The following ZFPM2 variants were observed in gnomAD, a reference collection of about 807,000 sequenced individuals.
ZFPM2 encodes zinc finger protein ZFPM2.
ZFPM2 carries 20 observed loss-of-function variants against 98.6 expected under a neutral mutation model. The observed-to-expected ratio is 0.20, with a 90% CI of 0.14 to 0.29. ZFPM2 has a LOEUF of 0.29. Ranked by LOEUF, ZFPM2 falls within the 10% of genes least tolerant of loss-of-function variation. The pLI is 1.00. For synonymous variants in ZFPM2, 518 were observed against 502.7 expected, an observed-to-expected ratio of 1.03 and a Z score of -0.41; for missense variants, 1,310 against 1,388.6, an observed-to-expected ratio of 0.94 and a Z score of 0.90.
chr8:105,610,284 G>A (rs1337407544), intron 4 of ZFPM2, among the ~76,000 whole-genome samples: 2 of 152,072 alleles, frequency 1.3e-5, no homozygotes, highest in Non-Finnish European at 2.9e-5. Flanking sequence ...GATAAGGCTT[G>A]TGATTAAAAA....
intron 4 of ZFPM2, among the ~76,000 whole-genome samples, chr8:105,626,642 C>G (rs1816661273): frequency 1.3e-5 from 2 of 151,840 alleles, no homozygotes; most frequent in Non-Finnish European, 2.9e-5. Context: ...CTGGTTCTCA[C>G]AATATAAATG....
chr8:105,346,766 T>A (rs1812545284), intron 1 of ZFPM2, among the ~76,000 whole-genome samples: 1 of 152,312 alleles, frequency 6.6e-6, no homozygotes. Flanking sequence ...ATATTTGGAA[T>A]GGGTTAAGGG....
At chr8:105,460,797 A>C (rs1160850865) in intron 3 of ZFPM2, among the ~76,000 whole-genome samples, 1 of 152,130 alleles carries the variant, frequency 6.6e-6, no homozygotes, top group Non-Finnish European at 1.5e-5. Flanking sequence ...AAAAGAAAAA[A>C]AAAATGCTCC....
intron 4 of ZFPM2, among the ~76,000 whole-genome samples, chr8:105,567,790 A>G (rs1311704180): frequency 6.6e-6 from 1 of 152,116 alleles, no homozygotes; most frequent in Non-Finnish European, 1.5e-5. Flanking sequence ...TAAAATAAAA[A>G]TCTAATCGAA....
At chr8:105,456,197 C>T (rs1468404996) in intron 3 of ZFPM2, among the ~76,000 whole-genome samples, 1 of 142,230 alleles carries the variant, frequency 7.0e-6, no homozygotes, top group Non-Finnish European at 1.5e-5. Context: ...AGGGGCTATG[C>T]CTGGCTTAAA....
chr8:105,649,911 G>T (rs1586173829), intron 5 of ZFPM2, among the ~76,000 whole-genome samples: 1 of 152,288 alleles, frequency 6.6e-6, no homozygotes, highest in East Asian at 1.9e-4. Context: ...GAGTTAGGGA[G>T]GATTCCCTCT....
intron 4 of ZFPM2, among the ~76,000 whole-genome samples, chr8:105,633,274 A>G (rs1246339481): frequency 6.6e-6 from 1 of 152,202 alleles, no homozygotes; most frequent in Non-Finnish European, 1.5e-5. Context: ...GTGAAAATTC[A>G]GTTCAAAAAT....
chr8:105,766,263 T>C (rs2131081699), intron 5 of ZFPM2, among the ~76,000 whole-genome samples: 1 of 152,048 alleles, frequency 6.6e-6, no homozygotes, highest in South Asian at 2.1e-4. Flanking sequence ...TTCCAACCTC[T>C]CACTCATCTG....
At chr8:105,493,460 C>T (rs1392782170) in intron 3 of ZFPM2, among the ~76,000 whole-genome samples, 1 of 152,160 alleles carries the variant, frequency 6.6e-6, no homozygotes, top group Non-Finnish European at 1.5e-5. Flanking sequence ...GAGATTTAGA[C>T]AATCTTGTAC....
intron 1 of ZFPM2, among the ~76,000 whole-genome samples, chr8:105,333,436 A>G (rs1434762498): frequency 6.6e-6 from 1 of 151,776 alleles, no homozygotes; most frequent in African/African-American, 2.4e-5. Flanking sequence ...ATTCATATGC[A>G]TTAGCTTAGT....
intron 2 of ZFPM2, among the ~76,000 whole-genome samples, chr8:105,433,692 CAGG>C (rs373997594): frequency 1.5e-3 from 233 of 152,206 alleles, no homozygotes; most frequent in African/African-American, 5.3e-3. Flanking sequence ...GAGGCTGAGG[CAGG>C]AGAATGGCAT....
At chr8:105,484,288 A>G (rs1192117604) in intron 3 of ZFPM2, among the ~76,000 whole-genome samples, 2 of 151,036 alleles carry the variant, frequency 1.3e-5, no homozygotes, top group Non-Finnish European at 2.9e-5. Flanking sequence ...TATCTTAATA[A>G]ATTTTTTTTA....
At chr8:105,453,836 G>A (rs1219084206) in intron 3 of ZFPM2, among the ~76,000 whole-genome samples, 1 of 151,684 alleles carries the variant, frequency 6.6e-6, no homozygotes, top group Non-Finnish European at 1.5e-5. Context: ...TGTCAGCCAG[G>A]CTAGTCTCAA....
At chr8:105,520,457 T>G (rs1291660529) in intron 3 of ZFPM2, among the ~76,000 whole-genome samples, 1 of 152,134 alleles carries the variant, frequency 6.6e-6, no homozygotes, top group Non-Finnish European at 1.5e-5. Context: ...TATTGCAGAA[T>G]CCAGTGATAA....
intron 3 of ZFPM2, among the ~76,000 whole-genome samples, chr8:105,514,854 G>A (rs189779280): frequency 3.5e-4 from 53 of 152,226 alleles, no homozygotes; most frequent in Middle Eastern, 3.4e-3. Context: ...CTGGTTGCAC[G>A]CAGTGAACTT....
chr8:105,509,460 A>C (rs1813770054), intron 3 of ZFPM2, among the ~76,000 whole-genome samples: 1 of 152,180 alleles, frequency 6.6e-6, no homozygotes, highest in Admixed American at 6.5e-5. Flanking sequence ...ATATGGTGCC[A>C]GGGGGAATTG....
intron 2 of ZFPM2, among the ~76,000 whole-genome samples, chr8:105,426,806 C>G (rs188341025): frequency 1.1e-3 from 172 of 151,458 alleles, no homozygotes; most frequent in Non-Finnish European, 1.8e-3. Context: ...ACAAAAAATA[C>G]AAAAAATACA....
intron 5 of ZFPM2, among the ~76,000 whole-genome samples, chr8:105,755,869 C>A (rs1235146707): frequency 6.6e-6 from 1 of 152,074 alleles, no homozygotes; most frequent in East Asian, 1.9e-4. Context: ...ATAAAGTATG[C>A]AATCTCTGGC....
chr8:105,493,669 C>A (rs1297189607), intron 3 of ZFPM2, among the ~76,000 whole-genome samples: 2 of 152,128 alleles, frequency 1.3e-5, no homozygotes, highest in South Asian at 4.2e-4. Flanking sequence ...CAAACCATTA[C>A]CTTTTACTTT....
Sources: allele counts gnomAD v4.1 joint callset (sites outside exome capture counted in the v4.1 genomes callset), GRCh38; gene constraint gnomAD v4.1.1; transcripts MANE v1.5; gene names NCBI Gene and HGNC (gene_info 2026-07-23, HGNC 2026-07-21).